MSN: variants seen among roughly 807,000 people sequenced by gnomAD.
MSN encodes the protein epididymis luminal protein 70.
Under a neutral mutation model 48.0 loss-of-function variants are expected in MSN, and 2 were observed. That is an observed-to-expected ratio of 0.04 (90% CI 0.02 to 0.13). MSN has a LOEUF of 0.13. MSN is among the 10% of genes least tolerant of loss of function. MSN has a pLI of 1.00. For missense variants in MSN, 267 were observed against 470.1 expected (o/e 0.57, Z 3.99); for synonymous variants, 146 against 166.9 (o/e 0.87, Z 0.97).
chrX:65,697,000 C>A (rs191035057), intron 1 of MSN, among the ~76,000 whole-genome samples: 9 of 111,043 alleles, frequency 8.1e-5, no homozygotes, highest in African/African-American at 3.0e-4. Flanking sequence ...AAAATGAAGG[C>A]TGTGAGCTAA....
chrX:65,607,319 C>T, intron 1 of MSN, among the ~76,000 whole-genome samples: 1 of 111,513 alleles, frequency 9.0e-6, no homozygotes, highest in Non-Finnish European at 1.9e-5. Flanking sequence ...TACAAAGGAA[C>T]CCCTGCAGGG....
intron 1 of MSN, among the ~76,000 whole-genome samples, chrX:65,658,916 C>T (rs1258987102): frequency 9.1e-6 from 1 of 109,367 alleles, no homozygotes; most frequent in African/African-American, 3.3e-5. Flanking sequence ...GCAACCTTGG[C>T]TCACTGCAAC....
intron 1 of MSN, among the ~76,000 whole-genome samples, chrX:65,620,450 G>A (rs1185837398): frequency 8.8e-6 from 1 of 113,856 alleles, no homozygotes; most frequent in Non-Finnish European, 1.9e-5. Context: ...CGCAGTATTC[G>A]GGTGGGAGTG....
chrX:65,736,496 G>A lies in MSN; in HGVS notation c.960-299G>A, dbSNP rs190559842. Among the ~76,000 whole-genome samples the A allele has an allele frequency of 2.3e-4, 24 of 105,698 alleles. No homozygotes were observed. The East Asian group carries it at 4.5e-3, about 20-fold the overall frequency. The allele number at this position is 105,698 out of a possible 115,157, so 91.8% of individuals were successfully genotyped here. Reference sequence around the variant, plus strand: ...TTTGCCCACGCTGGAGTGCAGTGGCGCAATCTCAGCTCACTGCAACCTCCG... The same window carrying A: ...TTTGCCCACGCTGGAGTGCAGTGGCACAATCTCAGCTCACTGCAACCTCCG... On this transcript the variant is annotated intron_variant, in intron 8 of 12. Transcript: ENST00000360270.
At chrX:65,712,642 A>G (rs1425407699) in intron 1 of MSN, among the ~76,000 whole-genome samples, 4 of 109,686 alleles carry the variant, frequency 3.6e-5, no homozygotes, top group East Asian at 2.8e-4. Flanking sequence ...CAAGATTCCA[A>G]TCATCCTTCT....
chrX:65,704,773 T>G (rs952478567), intron 1 of MSN, among the ~76,000 whole-genome samples: 2 of 103,443 alleles, frequency 1.9e-5, no homozygotes, highest in African/African-American at 7.1e-5. Flanking sequence ...AAAGCCAGGT[T>G]TTTTTTTTTT....
intron 1 of MSN, among the ~76,000 whole-genome samples, chrX:65,641,661 G>A (rs2070655323): frequency 1.1e-5 from 1 of 91,147 alleles, no homozygotes; most frequent in Non-Finnish European, 2.1e-5. Context: ...GAGCATGTGG[G>A]GATAATAGCT....
intron 1 of MSN, among the ~76,000 whole-genome samples, chrX:65,611,831 A>G (rs1319545980): frequency 1.8e-5 from 2 of 111,105 alleles, no homozygotes; most frequent in Non-Finnish European, 3.8e-5. Flanking sequence ...ATTCCCACCA[A>G]CAGTTCACAG....
At chrX:65,714,252 A>G (rs769218259) in intron 1 of MSN, among the ~76,000 whole-genome samples, 1 of 111,865 alleles carries the variant, frequency 8.9e-6, no homozygotes, top group Non-Finnish European at 1.9e-5. Flanking sequence ...TGTCATTGCT[A>G]TTGTGAATAG....
At chrX:65,621,070 C>T (rs2070439128) in intron 1 of MSN, among the ~76,000 whole-genome samples, 1 of 109,619 alleles carries the variant, frequency 9.1e-6, no homozygotes, top group African/African-American at 3.3e-5. Flanking sequence ...TGTGTGCCAC[C>T]ACGCCTGGCT....
intron 1 of MSN, among the ~76,000 whole-genome samples, chrX:65,607,405 C>T (rs2070286690): frequency 9.0e-6 from 1 of 111,712 alleles, no homozygotes; most frequent in Non-Finnish European, 1.9e-5. Flanking sequence ...CCTGATATAA[C>T]CCCGATGTAC....
chrX:65,737,222 C>T lies in MSN; in HGVS notation c.1135C>T (p.Arg379Trp), dbSNP rs766622413. Residue 379 changes from arginine to tryptophan, a missense_variant, in exon 10 of 13, where the codon CGG becomes TGG. By Grantham distance (101) the Arg-to-Trp change is moderately radical. This residue lies in a region of MSN where 70 missense variants were observed against 76.3 expected (regional missense o/e 0.92). Coordinates refer to ENST00000360270, the MANE Select transcript of MSN (RefSeq NM_002444.3). ...TRRALELEQERKRAQSEAEKL... is the reference protein window; with the variant it reads ...TRRALELEQEWKRAQSEAEKL... ...TAGGGCTCTGGAACTTGAGCAGGAA[C>T]GGAAGCGTGCCCAGAGCGAGGCTGA... 1.7e-5 allele frequency: 20 copies of T among 1,206,325 alleles called. 1 individual carries two copies. The highest frequency in any genetic ancestry group is 7.1e-5 in the South Asian group (4 of 55,980).
chrX:65,606,273 C>A (rs1021207146), intron 1 of MSN, among the ~76,000 whole-genome samples: 1 of 108,795 alleles, frequency 9.2e-6, no homozygotes, highest in Non-Finnish European at 1.9e-5. Flanking sequence ...GGATTACAGG[C>A]GCCCACCACC....
chrX:65,634,197 C>T (rs1449465406), intron 1 of MSN, among the ~76,000 whole-genome samples: 5 of 112,426 alleles, frequency 4.4e-5, no homozygotes, highest in African/African-American at 6.5e-5. Context: ...CATGTCCTTC[C>T]CTTCACCCTG....
intron 1 of MSN, among the ~76,000 whole-genome samples, chrX:65,676,473 C>A (rs952646327): frequency 8.9e-6 from 1 of 112,035 alleles, no homozygotes; most frequent in Non-Finnish European, 1.9e-5. Context: ...AACCCTTCTA[C>A]CTTGTGGGAA....
intron 2 of MSN, among the ~76,000 whole-genome samples, chrX:65,726,812 A>C (rs1377263363): frequency 8.9e-6 from 1 of 111,782 alleles, no homozygotes; most frequent in Non-Finnish European, 1.9e-5. Context: ...GCCTAAGGCC[A>C]GCCTGACCTC....
intron 1 of MSN, among the ~76,000 whole-genome samples, chrX:65,651,608 A>G (rs1249298231): frequency 9.9e-6 from 1 of 101,048 alleles, no homozygotes; most frequent in Non-Finnish European, 2.0e-5. Context: ...TTATTTTGCT[A>G]TGGACTTTCG....
At chrX:65,687,443 T>C (rs1196892946) in intron 1 of MSN, among the ~76,000 whole-genome samples, 2 of 112,364 alleles carry the variant, frequency 1.8e-5, no homozygotes, top group Non-Finnish European at 3.8e-5. Flanking sequence ...GCTCAGGGAA[T>C]ACAGGCTCTT....
rs375497575 is a variant in MSN, at chrX:65,651,294, G to A, written c.-22+62682G>A. 3.2e-3 allele frequency among the ~76,000 whole-genome samples: 328 copies of A among 102,303 alleles called. 2 individuals are homozygous for A. Among genetic ancestry groups the A allele is most frequent in the African/African-American group, 0.011 (318 of 27,772 alleles). The allele number at this position is 102,303 out of a possible 115,157, so 88.8% of individuals were successfully genotyped here. A position where few individuals can be genotyped will look rare whatever the true frequency, so the allele number is the denominator to read the frequency against. Reference sequence around the variant, plus strand: ...GACCACACCACTGCATTCCAGCCCGGGGGACAGAGTGAGACTCTATCTAAA... The same window carrying A: ...GACCACACCACTGCATTCCAGCCCGAGGGACAGAGTGAGACTCTATCTAAA... On this transcript the variant is annotated intron_variant, in intron 1 of 3. Coordinates refer to the MSN transcript ENST00000609672.
Sources: allele counts gnomAD v4.1 joint callset (sites outside exome capture counted in the v4.1 genomes callset), GRCh38; gene constraint gnomAD v4.1.1; regional missense constraint gnomAD v4.1.1; transcripts MANE v1.5; gene names NCBI Gene and HGNC (gene_info 2026-07-23, HGNC 2026-07-21).